Variants in CDH13 observed in about 807,000 individuals in gnomAD.
CDH13 encodes cadherin-13.
In CDH13, 24 loss-of-function variants were observed where a neutral mutation model predicts 63.8. The observed-to-expected ratio is 0.38, with a 90% confidence interval of 0.27 to 0.53. CDH13 has a LOEUF of 0.53. Ranked by LOEUF, CDH13 falls within the 20% of genes least tolerant of loss-of-function variation. The pLI, the probability that CDH13 is intolerant of heterozygous loss-of-function variation, is 0.85. For missense variants in CDH13, 1,049 were observed against 903.1 expected (o/e 1.16, Z -2.07); for synonymous variants, 503 against 355.3 (o/e 1.42, Z -4.67).
chr16:82,696,720 A>G (rs1346156596), intron 1 of CDH13, among the ~76,000 whole-genome samples: 1 of 152,180 alleles, frequency 6.6e-6, no homozygotes, highest in East Asian at 1.9e-4. Context: ...TATGTATGTT[A>G]ATTATCTATT....
At chr16:82,705,642 G>A (rs1312299820) in intron 1 of CDH13, among the ~76,000 whole-genome samples, 1 of 152,042 alleles carries the variant, frequency 6.6e-6, no homozygotes, top group African/African-American at 2.4e-5. Context: ...ACACACGCCT[G>A]CTTCTTTCTT....
At chr16:83,665,938 T>A (rs1030216599) in intron 8 of CDH13, among the ~76,000 whole-genome samples, 2 of 152,210 alleles carry the variant, frequency 1.3e-5, no homozygotes, top group African/African-American at 4.8e-5. Context: ...ATCCTGAATG[T>A]CTATGATGTA....
intron 13 of CDH13, among the ~76,000 whole-genome samples, chr16:83,791,075 T>C (rs1426244901): frequency 6.6e-6 from 1 of 151,872 alleles, no homozygotes; most frequent in Non-Finnish European, 1.5e-5. Flanking sequence ...CCCAGCACTT[T>C]GGGAGACTGA....
intron 4 of CDH13, among the ~76,000 whole-genome samples, chr16:83,216,593 A>T (rs907618920): frequency 7.0e-6 from 1 of 143,678 alleles, no homozygotes; most frequent in Non-Finnish European, 1.5e-5. Context: ...ATATTAATAT[A>T]TAATACATAG....
chr16:82,820,830 C>G (rs1386602806), intron 1 of CDH13, among the ~76,000 whole-genome samples: 1 of 152,154 alleles, frequency 6.6e-6, no homozygotes, highest in Non-Finnish European at 1.5e-5. Context: ...ATTCCATTTT[C>G]TTATTGGAGT....
rs61089666 is a variant in CDH13 at position 83,186,080 on chromosome 16, T to TTTTTATTTTATTTTATTTTATTTTA, written c.484-31216_484-31192dup. Among the ~76,000 whole-genome samples the TTTTTATTTTATTTTATTTTATTTTA allele has an allele frequency of 4.5e-3, 491 of 109,974 alleles. 17 individuals are homozygous for TTTTTATTTTATTTTATTTTATTTTA. Among genetic ancestry groups the TTTTTATTTTATTTTATTTTATTTTA allele is most frequent in the Admixed American group, 0.014 (144 of 10,088 alleles). The allele number at this position is 109,974 out of a possible 152,430, so 72.1% of individuals were successfully genotyped here. ...AAATTGTATTATTTTTAAAGGCATCTTTTTATTTTATTTTATTTTATTTTA... is the reference window on the plus strand; with the variant it reads ...AAATTGTATTATTTTTAAAGGCATCTTTTTATTTTATTTTATTTTATTTTATTTTATTTTATTTTATTTTATTTTA... On this transcript the variant is annotated intron_variant, in intron 4 of 13. Coordinates refer to ENST00000567109, the MANE Select transcript of CDH13 (RefSeq NM_001257.5).
intron 2 of CDH13, among the ~76,000 whole-genome samples, chr16:83,007,903 A>G (rs1254820383): frequency 1.3e-5 from 2 of 151,744 alleles, no homozygotes; most frequent in African/African-American, 4.8e-5. Flanking sequence ...TTTTATCCAT[A>G]GCTATACTTG....
chr16:82,970,278 A>T (rs903800006), intron 2 of CDH13, among the ~76,000 whole-genome samples: 1 of 151,488 alleles, frequency 6.6e-6, no homozygotes, highest in Non-Finnish European at 1.5e-5. Context: ...TTATGGCTGC[A>T]TAGTATTCCC....
intron 2 of CDH13, among the ~76,000 whole-genome samples, chr16:82,878,165 A>G (rs1405747589): frequency 6.6e-6 from 1 of 152,026 alleles, no homozygotes; most frequent in Non-Finnish European, 1.5e-5. Flanking sequence ...CTCCAGTAGC[A>G]TTCCCCAGTC....
chr16:82,941,040 G>A (rs886358382), intron 2 of CDH13, among the ~76,000 whole-genome samples: 1 of 152,102 alleles, frequency 6.6e-6, no homozygotes, highest in African/African-American at 2.4e-5. Context: ...ATATGACGGG[G>A]AACTTCTGGC....
At chr16:83,584,125 C>T (rs1457515074) in intron 7 of CDH13, among the ~76,000 whole-genome samples, 1 of 152,082 alleles carries the variant, frequency 6.6e-6, no homozygotes, top group Non-Finnish European at 1.5e-5. Context: ...GTCAGGAGAT[C>T]AAGACCATCT....
intron 5 of CDH13, among the ~76,000 whole-genome samples, chr16:83,301,266 C>T (rs1597699699): frequency 6.6e-6 from 1 of 151,942 alleles, no homozygotes; most frequent in Admixed American, 6.6e-5. Flanking sequence ...CTCCTGACCT[C>T]ATGATCCGCC....
At chr16:83,294,730 G>C (rs1449252483) in intron 5 of CDH13, among the ~76,000 whole-genome samples, 2 of 151,696 alleles carry the variant, frequency 1.3e-5, no homozygotes, top group African/African-American at 2.4e-5. Flanking sequence ...AGAAATTGAA[G>C]AAAACAAAAA....
Position 82,811,614 on chromosome 16 carries a change from C to T in CDH13, c.46-46748C>T, listed in dbSNP as rs79005025. The stretch of plus-strand genomic sequence containing the variant: ...TTCCATTGAAAGAGCCTCTGAACTA[C>T]AGTGTCCAGAAAATGAGAAAAAAGA... On this transcript the variant is annotated intron_variant, in intron 1 of 13. Transcript: ENST00000567109. Among the ~76,000 whole-genome samples the T allele has an allele frequency of 3.1e-3, 479 of 152,148 alleles. 4 individuals carry two copies. Among genetic ancestry groups the T allele is most frequent in the African/African-American group, 0.011 (465 of 41,518 alleles).
chr16:83,004,451 A>G (rs1396006390), intron 2 of CDH13, among the ~76,000 whole-genome samples: 1 of 152,212 alleles, frequency 6.6e-6, no homozygotes, highest in Non-Finnish European at 1.5e-5. Flanking sequence ...ACTCCAGGGC[A>G]GCAAGGTAAC....
intron 1 of CDH13, among the ~76,000 whole-genome samples, chr16:82,790,726 C>T (rs1489470558): frequency 6.6e-6 from 1 of 152,138 alleles, no homozygotes; most frequent in Non-Finnish European, 1.5e-5. Flanking sequence ...CAGAAGGCAG[C>T]CATGATTGTT....
At chr16:82,764,007 C>A (rs984578488) in intron 1 of CDH13, among the ~76,000 whole-genome samples, 1 of 152,184 alleles carries the variant, frequency 6.6e-6, no homozygotes, top group African/African-American at 2.4e-5. Flanking sequence ...GGTAGAGTGA[C>A]AAGGACTGGT....
chr16:82,915,558 A>G (rs1240427932), intron 2 of CDH13, among the ~76,000 whole-genome samples: 1 of 152,056 alleles, frequency 6.6e-6, no homozygotes, highest in Non-Finnish European at 1.5e-5. Context: ...TTGTTGAAAA[A>G]TCTTAGATTG....
At chr16:83,634,783 T>C (rs1390532324) in intron 8 of CDH13, among the ~76,000 whole-genome samples, 1 of 152,172 alleles carries the variant, frequency 6.6e-6, no homozygotes, top group East Asian at 1.9e-4. Flanking sequence ...TCCTTTTGAT[T>C]GCTGAGTGAT....
Sources: allele counts gnomAD v4.1 joint callset (sites outside exome capture counted in the v4.1 genomes callset), GRCh38; gene constraint gnomAD v4.1.1; transcripts MANE v1.5; gene names NCBI Gene and HGNC (gene_info 2026-07-23, HGNC 2026-07-21).